KIAA1217: variants seen among roughly 807,000 people sequenced by gnomAD.
KIAA1217 encodes the protein KIAA1217.
Under a neutral mutation model 163.9 loss-of-function variants are expected in KIAA1217, and 88 were observed. The ratio of observed to expected loss-of-function variants is 0.54; its 90% confidence interval spans 0.45 to 0.64. KIAA1217 has a LOEUF of 0.64. Among genes scored for constraint, KIAA1217 ranks in the 30% least tolerant of loss-of-function variants. The pLI is 0.00. For synonymous variants in KIAA1217, 903 were observed against 923.1 expected (o/e 0.98, Z 0.39); for missense variants, 2,372 against 2,475.0 (o/e 0.96, Z 0.88).
chr10:24,479,737 C>T (rs974613455), intron 6 of KIAA1217, among the ~76,000 whole-genome samples: 31 of 152,274 alleles, frequency 2.0e-4, no homozygotes, highest in African/African-American at 7.5e-4. Flanking sequence ...GCCTTTTGTG[C>T]TGCATCATAG....
At chr10:24,478,304 A>C (rs1360722831) in intron 6 of KIAA1217, among the ~76,000 whole-genome samples, 1 of 152,252 alleles carries the variant, frequency 6.6e-6, no homozygotes, top group Non-Finnish European at 1.5e-5. Context: ...TAGCTCACTC[A>C]AGACTAAGTA....
At chr10:24,202,002 C>T (rs573582256) in intron 2 of KIAA1217, among the ~76,000 whole-genome samples, 22 of 152,280 alleles carry the variant, frequency 1.4e-4, no homozygotes, top group South Asian at 1.2e-3. Context: ...GCAGGCTGCA[C>T]GCAGGCAGGC....
chr10:24,035,775 A>T (rs934260222), intron 2 of KIAA1217, among the ~76,000 whole-genome samples: 1 of 152,250 alleles, frequency 6.6e-6, no homozygotes, highest in Admixed American at 6.5e-5. Context: ...AGAAAGAACT[A>T]GTAAACATGG....
At chr10:24,427,824 T>C (rs1038564944) in intron 3 of KIAA1217, among the ~76,000 whole-genome samples, 2 of 152,192 alleles carry the variant, frequency 1.3e-5, no homozygotes, top group Admixed American at 1.3e-4. Flanking sequence ...ATCATGCCAA[T>C]AAAACGCCAT....
intron 2 of KIAA1217, among the ~76,000 whole-genome samples, chr10:24,118,744 T>G (rs2063161951): frequency 6.6e-6 from 1 of 152,026 alleles, no homozygotes; most frequent in Admixed American, 6.5e-5. Flanking sequence ...TTTTACTATT[T>G]CTAGTAAAGC....
At chr10:24,329,194 T>C (rs1259133565) in intron 2 of KIAA1217, among the ~76,000 whole-genome samples, 4 of 147,846 alleles carry the variant, frequency 2.7e-5, no homozygotes, top group Non-Finnish European at 5.9e-5. Context: ...ATATACATAG[T>C]ATATAAATAG....
At chr10:24,015,170 G>C (rs1368569076) in intron 2 of KIAA1217, among the ~76,000 whole-genome samples, 1 of 152,032 alleles carries the variant, frequency 6.6e-6, no homozygotes, top group African/African-American at 2.4e-5. Flanking sequence ...ATGCTTTCCT[G>C]ATTCCTCCAA....
chr10:24,130,650 A>G (rs2063620567), intron 2 of KIAA1217, among the ~76,000 whole-genome samples: 2 of 152,208 alleles, frequency 1.3e-5, no homozygotes, highest in African/African-American at 4.8e-5. Context: ...AAACAGATGT[A>G]TTATTCAGCT....
chr10:24,227,170 T>TATC lies in KIAA1217; in HGVS notation c.354+7263_354+7264insCAT, dbSNP rs542543340. ...TTATTATTATTATTATTATTATCAT[T>TATC]ATTTTGAGACAGAGTCTCGCTCTGT... On this transcript the variant is annotated intron_variant, in intron 2 of 20. Transcript: ENST00000376454. Among the ~76,000 whole-genome samples, 651 of 141,584 alleles carry TATC rather than the reference T, an allele frequency of 4.6e-3. 5 individuals carry two copies. Among genetic ancestry groups the TATC allele is most frequent in the African/African-American group, 0.016 (619 of 38,720 alleles). 92.9% of individuals were successfully genotyped at this position (141,584 alleles called of 152,430 possible). A position where few individuals can be genotyped will look rare whatever the true frequency, so the allele number is the denominator to read the frequency against.
chr10:24,023,994 C>G (rs1393746901), intron 2 of KIAA1217, among the ~76,000 whole-genome samples: 1 of 151,242 alleles, frequency 6.6e-6, no homozygotes, highest in Non-Finnish European at 1.5e-5. Flanking sequence ...AATGCTAGAG[C>G]CTTCTGAGAG....
intron 2 of KIAA1217, chr10:24,158,235 G>GT: frequency 1.4e-6 from 1 of 728,662 alleles, no homozygotes; most frequent in East Asian, 2.5e-5. Context: ...GGCAAAGTAC[G>GT]TTTAGTCCAG....
rs1192954730 is a variant in KIAA1217 at position 24,386,972 on chromosome 10, A to G, written c.553+5905A>G. On this transcript the variant is annotated intron_variant, in intron 3 of 20. Transcript: ENST00000376454. Reference sequence around the variant, plus strand: ...AAATTTGTTTTTTCTAAGACCTTGTAGTTATTGAAAAGTAATACTGTAAAA... The same window carrying G: ...AAATTTGTTTTTTCTAAGACCTTGTGGTTATTGAAAAGTAATACTGTAAAA... Among the ~76,000 whole-genome samples, 7 of 152,240 alleles carry G rather than the reference A, an allele frequency of 4.6e-5. No homozygotes were observed. In the East Asian group the frequency reaches 7.7e-4, roughly 17 times the overall value.
rs929995548 is a variant in KIAA1217 at position 24,248,670 on chromosome 10, CAAAAAAAAAAAAA to C, written c.354+28776_354+28788del. Reference sequence around the variant, plus strand: ...TGGGCAACAAAGCAAGACTCCATCTCAAAAAAAAAAAAAAAAAAAAAAAAAAATGTCCCTCATA... The same window carrying C: ...TGGGCAACAAAGCAAGACTCCATCTCAAAAAAAAAAAAAATGTCCCTCATA... On this transcript the variant is annotated intron_variant, in intron 2 of 20. Transcript: ENST00000376454. Among the ~76,000 whole-genome samples, 55 of 36,460 alleles carry C rather than the reference CAAAAAAAAAAAAA, an allele frequency of 1.5e-3. 2 individuals are homozygous for C. In the East Asian group the frequency reaches 0.044, roughly 29 times the overall value. The allele number at this position is 36,460 out of a possible 152,430, so 23.9% of individuals were successfully genotyped here. A position where few individuals can be genotyped will look rare whatever the true frequency, so the allele number is the denominator to read the frequency against.
At chr10:24,337,650 C>CTTTTCTTTTCT (rs1554821347) in intron 2 of KIAA1217, among the ~76,000 whole-genome samples, 114 of 40,852 alleles carry the variant, frequency 2.8e-3, no homozygotes, top group East Asian at 0.016. Context: ...CTTTTCTTTT[C>CTTTTCTTTTCT]TTTTTTTTTT....
chr10:24,536,025 A>G (rs1326862597), intron 16 of KIAA1217, among the ~76,000 whole-genome samples: 1 of 151,964 alleles, frequency 6.6e-6, no homozygotes, highest in Non-Finnish European at 1.5e-5. Context: ...TCCTTCTCTC[A>G]TGATCATATT....
At chr10:24,443,365 T>C (rs2060658029) in intron 5 of KIAA1217, among the ~76,000 whole-genome samples, 1 of 152,196 alleles carries the variant, frequency 6.6e-6, no homozygotes, top group African/African-American at 2.4e-5. Flanking sequence ...GCACCGTGGC[T>C]GCTGAAATTA....
chr10:24,334,621 T>C (rs2046120314), intron 2 of KIAA1217, among the ~76,000 whole-genome samples: 1 of 152,224 alleles, frequency 6.6e-6, no homozygotes, highest in Admixed American at 6.5e-5. Context: ...ATATAAATTC[T>C]TACTGTATTT....
chr10:23,922,757 T>G (rs1052912744), intron 1 of KIAA1217, among the ~76,000 whole-genome samples: 1 of 152,104 alleles, frequency 6.6e-6, no homozygotes, highest in Non-Finnish European at 1.5e-5. Context: ...TCTTGAAGAT[T>G]ATAAGGGGGA....
chr10:23,760,425 C>T lies in KIAA1217; in HGVS notation c.-321+65191C>T, dbSNP rs139038525. On this transcript the variant is annotated intron_variant, in intron 1 of 18. Transcript: ENST00000376462. ...TTGAGTTAGTTAAGTTTGTGACAGCCTAAGGCTGCATCAGTGTGCATTGAG... is the reference window on the plus strand; with the variant it reads ...TTGAGTTAGTTAAGTTTGTGACAGCTTAAGGCTGCATCAGTGTGCATTGAG... Among the ~76,000 whole-genome samples, 47 of 152,236 alleles carry T rather than the reference C, an allele frequency of 3.1e-4. No homozygotes were observed. In the East Asian group the frequency reaches 8.1e-3, roughly 26 times the overall value.
Sources: allele counts gnomAD v4.1 joint callset (sites outside exome capture counted in the v4.1 genomes callset), GRCh38; gene constraint gnomAD v4.1.1; transcripts MANE v1.5; gene names NCBI Gene and HGNC (gene_info 2026-07-23, HGNC 2026-07-21).